RIPPLY3: variants seen among roughly 807,000 people sequenced by gnomAD.
RIPPLY3 encodes protein ripply3.
Under a neutral mutation model 11.9 loss-of-function variants are expected in RIPPLY3, and 8 were observed. That is an observed-to-expected ratio of 0.67 (90% CI 0.40 to 1.21). RIPPLY3 has a LOEUF of 1.21. Among genes scored for constraint, RIPPLY3 ranks in the 50% most tolerant of loss-of-function variants. RIPPLY3 has a pLI of 0.01. For synonymous variants in RIPPLY3, 102 were observed against 99.0 expected (o/e 1.03, Z -0.18); for missense variants, 271 against 246.0 (o/e 1.10, Z -0.68).
At chr21:37,007,041 T>C (rs1601093564) in intron 1 of RIPPLY3, among the ~76,000 whole-genome samples, 165 bp downstream of exon 1, 1 of 152,158 alleles carries the variant, frequency 6.6e-6, no homozygotes, top group Admixed American at 6.5e-5. Context: ...GGCAGCCGGG[T>C]TCCCGGGAGG....
chr21:37,007,270 C>G (rs985405849), intron 1 of RIPPLY3, among the ~76,000 whole-genome samples: 1 of 152,056 alleles, frequency 6.6e-6, no homozygotes, highest in East Asian at 1.9e-4. Flanking sequence ...GGGGGCTCGG[C>G]GTTCGCTGTC....
Position 37,006,937 on chromosome 21 carries a change from G to T in RIPPLY3, c.104+61G>T. 1 of 989,540 alleles carries T rather than the reference G, an allele frequency of 1.0e-6. No individual in the cohort carries two copies. The highest frequency in any genetic ancestry group is 1.3e-6 in the Non-Finnish European group (1 of 772,906). 61.3% of individuals were successfully genotyped at this position (989,540 alleles called of 1,614,324 possible). ...GAGGCGTGCGCGGTGGCGGTGCGGG[G>T]AGCGCAGCGAGCGGGAGGCTGGGGC... On this transcript the variant is annotated intron_variant, in intron 1 of 3. Transcript: ENST00000329553. This position sits in a 1 kb window ranked among gnomAD's most constrained non-coding sequence, Gnocchi z 5.2.
intron 2 of RIPPLY3, among the ~76,000 whole-genome samples, chr21:37,008,447 A>G (rs924573658): frequency 6.6e-6 from 1 of 152,100 alleles, no homozygotes; most frequent in African/African-American, 2.4e-5. Context: ...TTCCTAAAAA[A>G]GCATACCCAC....
chr21:37,006,922 CGGTGGCGGTGCGG>C lies in RIPPLY3; in HGVS notation c.104+49_104+61del. On this transcript the variant is annotated intron_variant, in intron 1 of 3. Coordinates refer to ENST00000329553, the MANE Select transcript of RIPPLY3 (RefSeq NM_018962.3). The surrounding 1 kb of genome is among the most constrained non-coding windows in gnomAD (Gnocchi z 5.2). ...CGGTGGACGCGCTGAGAGGCGTGCG[CGGTGGCGGTGCGG>C]GGAGCGCAGCGAGCGGGAGGCTGGG... 9.2e-7 allele frequency: 1 copy of C among 1,087,658 alleles called. No homozygotes were observed. Among genetic ancestry groups the C allele is most frequent in the African/African-American group, 1.6e-5 (1 of 61,208 alleles). The allele number at this position is 1,087,658 out of a possible 1,614,324, so 67.4% of individuals were successfully genotyped here.
At chr21:37,013,912 G>T (rs895389313) in intron 3 of RIPPLY3, among the ~76,000 whole-genome samples, 6 of 152,040 alleles carry the variant, frequency 3.9e-5, no homozygotes, top group Admixed American at 2.6e-4. Context: ...TTATATAATT[G>T]CATGTGAATT....
At chr21:37,017,742 C>T (rs2069592739) in intron 3 of RIPPLY3, 132 bp from the exon 4 acceptor site, 6 of 737,420 alleles carry the variant, frequency 8.1e-6, no homozygotes, top group Non-Finnish European at 1.3e-5. Flanking sequence ...GACTTAAATT[C>T]TGTGTGTTGT....
chr21:37,012,212 T>TTTA (rs35315761), intron 2 of RIPPLY3, among the ~76,000 whole-genome samples: 23,623 of 132,176 alleles, frequency 0.18, 2,190 homozygotes, highest in Admixed American at 0.3. Context: ...CCGCTCCTTA[T>TTTA]TTATTATTAT....
intron 2 of RIPPLY3, among the ~76,000 whole-genome samples, chr21:37,008,591 C>G (rs540909848): frequency 6.6e-6 from 1 of 151,942 alleles, no homozygotes; most frequent in East Asian, 1.9e-4. Context: ...AACCCCGTCT[C>G]TACTAAAAAT....
rs576846366 is a variant in RIPPLY3, at chr21:37,009,039, G to A, written c.171+816G>A. ...ACTTTCAGCCCCGTCAAGCACTCCT[G>A]GGGTATCTCATGTTGTCTGAGCAAA... On this transcript the variant is annotated intron_variant, in intron 2 of 3. Coordinates refer to ENST00000329553, the MANE Select transcript of RIPPLY3 (RefSeq NM_018962.3). Among the ~76,000 whole-genome samples the A allele has an allele frequency of 4.5e-4, 69 of 152,170 alleles. 2 individuals are homozygous for A. The South Asian group carries it at 0.014, about 31-fold the overall frequency.
chr21:37,006,718 C>G lies in RIPPLY3; in HGVS notation c.-55C>G. 2 of 1,128,446 alleles carry G rather than the reference C, an allele frequency of 1.8e-6. No homozygotes were observed. Among genetic ancestry groups the G allele is most frequent in the Non-Finnish European group, 2.2e-6 (2 of 896,150 alleles). 69.9% of individuals were successfully genotyped at this position (1,128,446 alleles called of 1,614,324 possible). On this transcript the variant is annotated 5_prime_UTR_variant, in exon 1 of 4. In the 5' UTR this introduces an upstream ATG that the reference lacks. Transcript: ENST00000329553. The surrounding 1 kb of genome is among the most constrained non-coding windows in gnomAD (Gnocchi z 5.2). The stretch of plus-strand genomic sequence containing the variant: ...GGTGAGCGCGTTAGCCCGAGTGGAT[C>G]TAGGCGCGCTCGTAGGCCGGCGCCG...
At chr21:37,013,357 A>T (rs2069545929) in intron 2 of RIPPLY3, among the ~76,000 whole-genome samples, 194 bp from the exon 3 acceptor site, 1 of 152,198 alleles carries the variant, frequency 6.6e-6, no homozygotes, top group African/African-American at 2.4e-5. Context: ...AATTCTTCAC[A>T]GTGCCTGGGA....
rs201527024 is a variant in RIPPLY3 at position 37,008,219 on chromosome 21, G to A, written c.167G>A (p.Arg56Lys). 6.2e-7 allele frequency: 1 copy of A among 1,614,140 alleles called. No individual in the cohort carries two copies. The highest frequency in any genetic ancestry group is 1.3e-5 in the African/African-American group (1 of 75,066). Reference sequence around the variant, plus strand: ...GATGCTGAGCTGACCAGAACTGGAAGGCCGGTAAGGTTCAGTGCGGGCGTT... The same window carrying A: ...GATGCTGAGCTGACCAGAACTGGAAAGCCGGTAAGGTTCAGTGCGGGCGTT... Reference protein sequence around the residue: ...PGDAELTRTGRPLEPRADQHT... With the variant: ...PGDAELTRTGKPLEPRADQHT... The change falls in exon 2 of 4, where the codon AGG becomes AAG. Residue 56 changes from arginine to lysine, a missense_variant. By Grantham distance (26) the Arg-to-Lys change is conservative (BLOSUM62 2). Transcript: ENST00000329553.
intron 2 of RIPPLY3, among the ~76,000 whole-genome samples, chr21:37,012,830 C>T (rs1419908075): frequency 6.6e-6 from 1 of 151,540 alleles, no homozygotes. Flanking sequence ...CTCATGGCTC[C>T]CCACTTGCAC....
rs747760984 is a variant in RIPPLY3, at chr21:37,018,280, C to T, written c.*73C>T. 3.9e-6 allele frequency: 5 copies of T among 1,273,718 alleles called. No homozygotes were observed. The Admixed American group carries it at 7.0e-5, about 18-fold the overall frequency. 78.9% of individuals were successfully genotyped at this position (1,273,718 alleles called of 1,614,324 possible). ...TCTCTTGGGGACACCCGAGCCAGGA[C>T]ACTACGCATCCCTGCTGAGTGTGCA... is the stretch of plus-strand genomic sequence containing the variant. On this transcript the variant is annotated 3_prime_UTR_variant, in exon 4 of 4. Coordinates refer to ENST00000329553, the MANE Select transcript of RIPPLY3 (RefSeq NM_018962.3).
chr21:37,012,006 G>T (rs1569286316), intron 2 of RIPPLY3, among the ~76,000 whole-genome samples: 1 of 148,578 alleles, frequency 6.7e-6, no homozygotes, highest in Non-Finnish European at 1.5e-5. Flanking sequence ...AGGCGAATTT[G>T]CTCATATATA....
At chr21:37,008,098 T>G in intron 1 of RIPPLY3, 59 bp from the exon 2 acceptor site, 2 of 1,557,514 alleles carry the variant, frequency 1.3e-6, no homozygotes, top group African/African-American at 1.4e-5. Flanking sequence ...TCTCATGGCA[T>G]AGTTTGAAGG....
chr21:37,014,145 C>T lies in RIPPLY3; in HGVS notation c.239+527C>T, dbSNP rs376502116. Among the ~76,000 whole-genome samples the T allele has an allele frequency of 7.9e-5, 12 of 151,962 alleles. No individual in the cohort carries two copies. The East Asian group carries it at 1.9e-3, about 25-fold the overall frequency. On this transcript the variant is annotated intron_variant, in intron 3 of 3. Coordinates refer to ENST00000329553, the MANE Select transcript of RIPPLY3 (RefSeq NM_018962.3). ...AGCCTGACCAACATGGTGAAACCCCCGTCTCTACTAAAAATACAAAAAATT... is the reference window on the plus strand; with the variant it reads ...AGCCTGACCAACATGGTGAAACCCCTGTCTCTACTAAAAATACAAAAAATT...
At chr21:37,006,563 C>T (rs1282711330), upstream of RIPPLY3, 2 of 361,768 alleles carry the variant, frequency 5.5e-6, no homozygotes, top group Non-Finnish European at 9.9e-6. This position sits in a 1 kb window ranked among gnomAD's most constrained non-coding sequence, Gnocchi z 5.2. Context: ...CCCTCCGCTC[C>T]TCCGACCCGG....
intron 3 of RIPPLY3, among the ~76,000 whole-genome samples, chr21:37,014,507 T>C (rs1036727710): frequency 6.6e-6 from 1 of 152,152 alleles, no homozygotes; most frequent in Non-Finnish European, 1.5e-5. Context: ...TCAGGATTTC[T>C]GCCTGTCTCT....
Sources: gnomAD v4.1 joint callset for allele counts (sites outside exome capture counted in the v4.1 genomes callset) on GRCh38, gnomAD v4.1.1 for gene constraint, Gnocchi (gnomAD v3.1) non-coding constraint, MANE v1.5 for transcripts, NCBI Gene and HGNC (gene_info 2026-07-23, HGNC 2026-07-21) for gene names.